The following PTPRG variants were observed in gnomAD, a reference collection of about 807,000 sequenced individuals.
PTPRG encodes the protein receptor-type tyrosine-protein phosphatase gamma.
PTPRG carries 102 observed loss-of-function variants against 165.3 expected under a neutral mutation model. That is an observed-to-expected ratio of 0.62 (90% confidence interval 0.53 to 0.73). PTPRG has a LOEUF of 0.73. Among genes scored for constraint, PTPRG ranks in the 30% least tolerant of loss-of-function variants. PTPRG has a pLI of 0.00. For synonymous variants in PTPRG, 675 were observed against 669.5 expected (o/e 1.01, Z -0.13); for missense variants, 1,866 against 1,861.4 (o/e 1.00, Z -0.05).
intron 23 of PTPRG, among the ~76,000 whole-genome samples, chr3:62,275,370 A>G (rs1003872905): frequency 3.9e-5 from 6 of 152,188 alleles, no homozygotes; most frequent in Non-Finnish European, 8.8e-5. Flanking sequence ...ACAGAAAAAA[A>G]TTCACAGCAG....
At chr3:61,787,459 A>G (rs1388684911) in intron 2 of PTPRG, among the ~76,000 whole-genome samples, 2 of 152,206 alleles carry the variant, frequency 1.3e-5, no homozygotes, top group Admixed American at 1.3e-4. Flanking sequence ...TGGATGGGTT[A>G]TCTCATTGGC....
chr3:62,063,618 T>A (rs1274450376), intron 4 of PTPRG, among the ~76,000 whole-genome samples: 1 of 152,216 alleles, frequency 6.6e-6, no homozygotes. Context: ...CTGTGTTAAG[T>A]AAATTAAATT....
intron 6 of PTPRG, among the ~76,000 whole-genome samples, chr3:62,151,259 A>G (rs1254959755): frequency 6.6e-6 from 1 of 152,184 alleles, no homozygotes; most frequent in Non-Finnish European, 1.5e-5. Flanking sequence ...CCCTTATACA[A>G]AATTTCCTAA....
At chr3:61,888,398 A>T (rs537102744) in intron 2 of PTPRG, among the ~76,000 whole-genome samples, 1 of 151,658 alleles carries the variant, frequency 6.6e-6, no homozygotes, top group African/African-American at 2.4e-5. Flanking sequence ...CAGTGGTGCA[A>T]TCTAGGCTCA....
intron 1 of PTPRG, among the ~76,000 whole-genome samples, chr3:61,725,748 T>A (rs1189941208): frequency 6.6e-6 from 1 of 151,194 alleles, no homozygotes; most frequent in Non-Finnish European, 1.5e-5. Context: ...GCTACTGTGT[T>A]CATTGCAAAT....
At chr3:61,999,414 C>A (rs1479815553) in intron 3 of PTPRG, among the ~76,000 whole-genome samples, 1 of 152,120 alleles carries the variant, frequency 6.6e-6, no homozygotes, top group Non-Finnish European at 1.5e-5. Context: ...CTAATCACCT[C>A]CCAAAGGCCC....
intron 2 of PTPRG, among the ~76,000 whole-genome samples, chr3:61,914,579 A>G (rs1030807273): frequency 2.8e-4 from 43 of 152,256 alleles, no homozygotes; most frequent in African/African-American, 8.9e-4. Flanking sequence ...ATTAGTTAGA[A>G]CGGTCTTGGC....
chr3:61,618,606 G>A (rs1188001698), intron 1 of PTPRG, among the ~76,000 whole-genome samples: 4 of 152,072 alleles, frequency 2.6e-5, no homozygotes, highest in Admixed American at 6.6e-5. Context: ...GGAAAAAAAC[G>A]GTAACCTCTT....
intron 10 of PTPRG, among the ~76,000 whole-genome samples, chr3:62,199,363 A>G (rs1700043133): frequency 6.6e-6 from 1 of 152,182 alleles, no homozygotes; most frequent in South Asian, 2.1e-4. Flanking sequence ...CCATGGGGCC[A>G]GGCAGGGGGC....
chr3:61,755,707 A>G (rs1188034669), intron 2 of PTPRG, among the ~76,000 whole-genome samples: 1 of 152,242 alleles, frequency 6.6e-6, no homozygotes, highest in Non-Finnish European at 1.5e-5. Flanking sequence ...GGCAGTGATT[A>G]GAGAACCAGA....
At chr3:61,590,894 G>A (rs1182600987) in intron 1 of PTPRG, among the ~76,000 whole-genome samples, 3 of 152,018 alleles carry the variant, frequency 2.0e-5, no homozygotes, top group African/African-American at 4.8e-5. Context: ...CAGATCACTC[G>A]AGGTCAGGAG....
intron 2 of PTPRG, among the ~76,000 whole-genome samples, chr3:61,904,046 T>G (rs1013794442): frequency 6.6e-6 from 1 of 152,162 alleles, no homozygotes; most frequent in Non-Finnish European, 1.5e-5. Context: ...CATCTGGGTG[T>G]TCAGTTTTCC....
chr3:61,946,617 T>C (rs2039766261), intron 2 of PTPRG, among the ~76,000 whole-genome samples: 1 of 152,222 alleles, frequency 6.6e-6, no homozygotes, highest in Non-Finnish European at 1.5e-5. Context: ...AGTACAGGTA[T>C]GATATTCCAT....
chr3:61,768,287 A>G (rs1050703325), intron 2 of PTPRG, among the ~76,000 whole-genome samples: 8 of 152,166 alleles, frequency 5.3e-5, no homozygotes, highest in African/African-American at 1.9e-4. Flanking sequence ...GATATTTACT[A>G]CAGGAATTAA....
chr3:61,947,735 T>C (rs2107617652), intron 2 of PTPRG, among the ~76,000 whole-genome samples: 1 of 152,300 alleles, frequency 6.6e-6, no homozygotes, highest in East Asian at 1.9e-4. Context: ...TGAAATCGTC[T>C]TATAGTTGCA....
At chr3:61,772,525 C>T (rs1286840765) in intron 2 of PTPRG, among the ~76,000 whole-genome samples, 1 of 152,028 alleles carries the variant, frequency 6.6e-6, no homozygotes, top group Non-Finnish European at 1.5e-5. Flanking sequence ...TTCCTTTCCC[C>T]CAAGCCTACT....
chr3:61,585,693 G>A lies in PTPRG; in HGVS notation c.85+23321G>A, dbSNP rs907554982. Among the ~76,000 whole-genome samples the A allele has an allele frequency of 2.6e-5, 4 of 152,338 alleles. No homozygotes were observed. In the East Asian group the frequency reaches 7.7e-4, roughly 29 times the overall value. On this transcript the variant is annotated intron_variant, in intron 1 of 29. Coordinates refer to ENST00000474889, the MANE Select transcript of PTPRG (RefSeq NM_002841.4). Reference sequence around the variant, plus strand: ...GCCCAGGAGGCAAAGGTTGCAGGGAGCTGAGATGGTGCCACCACACTCCAG... The same window carrying A: ...GCCCAGGAGGCAAAGGTTGCAGGGAACTGAGATGGTGCCACCACACTCCAG...
intron 2 of PTPRG, among the ~76,000 whole-genome samples, chr3:61,766,023 C>T (rs980882990): frequency 6.6e-6 from 1 of 152,198 alleles, no homozygotes; most frequent in African/African-American, 2.4e-5. Context: ...TTGAAGGCCA[C>T]TGACGTTGTA....
chr3:62,069,812 A>G (rs1279351882), intron 4 of PTPRG, among the ~76,000 whole-genome samples: 1 of 152,120 alleles, frequency 6.6e-6, no homozygotes, highest in Non-Finnish European at 1.5e-5. Flanking sequence ...AAGGCTGGAA[A>G]CCTGAGCTCA....
Sources: allele counts gnomAD v4.1 joint callset (sites outside exome capture counted in the v4.1 genomes callset), GRCh38; gene constraint gnomAD v4.1.1; transcripts MANE v1.5; gene names NCBI Gene and HGNC (gene_info 2026-07-23, HGNC 2026-07-21).